MAP4K5: variants seen among roughly 807,000 people sequenced by gnomAD.
MAP4K5 encodes the protein mitogen-activated protein kinase kinase kinase kinase 5.
A neutral mutation model predicts 135.6 loss-of-function variants in MAP4K5; 82 were observed. That is an observed-to-expected ratio of 0.60 (90% CI 0.51 to 0.73). The LOEUF is 0.73. Among genes scored for constraint, MAP4K5 ranks in the 30% least tolerant of loss-of-function variants. The pLI, the probability that MAP4K5 is intolerant of heterozygous loss-of-function variation, is 0.00. For missense variants in MAP4K5, 907 were observed against 1,010.9 expected (o/e 0.90, Z 1.39); for synonymous variants, 347 against 335.0 (o/e 1.04, Z -0.39).
intron 2 of MAP4K5, among the ~76,000 whole-genome samples, chr14:50,538,965 G>C (rs896390567): frequency 6.6e-6 from 1 of 152,158 alleles, no homozygotes; most frequent in African/African-American, 2.4e-5. Context: ...GACTATGGGT[G>C]CGCACCACTG....
chr14:50,544,111 T>G (rs148466855), intron 1 of MAP4K5, among the ~76,000 whole-genome samples: 1 of 152,336 alleles, frequency 6.6e-6, no homozygotes, highest in African/African-American at 2.4e-5. Context: ...AGGGTGTCTC[T>G]TAGTATTCAC....
Position 50,482,396 on chromosome 14 carries a change from AT to A in MAP4K5, c.342del (p.Glu114AspfsTer4), listed in dbSNP as rs1241588847. 2.6e-6 allele frequency: 4 copies of A among 1,532,436 alleles called. No individual in the cohort carries two copies. The highest frequency in any genetic ancestry group is 3.5e-6 in the Non-Finnish European group (4 of 1,140,888). The allele number at this position is 1,532,436 out of a possible 1,614,324, so 94.9% of individuals were successfully genotyped here. ...DIYHVTGPLS[E>X]LQIAYVCRET... ...TCTCTGCATACATAGGCTATTTGCA[AT>A]TCTGATAATGGTCCAGTAACTAGAA... On this transcript the variant is annotated frameshift_variant, in exon 6 of 33. Coordinates refer to ENST00000682126, the MANE Select transcript of MAP4K5 (RefSeq NM_006575.6). LOFTEE classifies it high-confidence loss of function.
At chr14:50,493,950 C>T (rs1340712034) in intron 3 of MAP4K5, among the ~76,000 whole-genome samples, 5 of 149,988 alleles carry the variant, frequency 3.3e-5, no homozygotes, top group South Asian at 4.2e-4. Flanking sequence ...ATCATGCCAC[C>T]GCACTCCAGC....
At chr14:50,542,048 A>G (rs962956454) in intron 2 of MAP4K5, among the ~76,000 whole-genome samples, 1 of 121,616 alleles carries the variant, frequency 8.2e-6, no homozygotes, top group Non-Finnish European at 1.7e-5. Flanking sequence ...AAAAAAAAAA[A>G]GAATATGCTG....
intron 32 of MAP4K5, among the ~76,000 whole-genome samples, chr14:50,421,212 TC>T: frequency 6.6e-6 from 1 of 152,276 alleles, no homozygotes; most frequent in East Asian, 1.9e-4. Flanking sequence ...AGTTTTTTTT[TC>T]CTAGACACAA....
At chr14:50,445,242 T>C (rs757636159) in intron 17 of MAP4K5, 48 bp from the exon 18 acceptor site, 87 of 1,571,234 alleles carry the variant, frequency 5.5e-5, no homozygotes, top group Non-Finnish European at 8.7e-6. Flanking sequence ...TCATTAGGCA[T>C]CAGAGTCTTT....
chr14:50,467,525 G>C (rs1329286842), intron 10 of MAP4K5, among the ~76,000 whole-genome samples: 4 of 150,632 alleles, frequency 2.7e-5, no homozygotes, highest in Admixed American at 2.6e-4. Context: ...ATTTTGCTTT[G>C]GTTCATACAT....
intron 2 of MAP4K5, among the ~76,000 whole-genome samples, chr14:50,527,841 T>C (rs1254467935): frequency 6.4e-5 from 1 of 15,546 alleles, no homozygotes; most frequent in East Asian, 1.6e-3. Flanking sequence ...TAATAATAAA[T>C]AAATAAATAA....
intron 12 of MAP4K5, 130 bp from the exon 13 acceptor site, chr14:50,462,911 CTG>C (rs956497265): frequency 1.0e-5 from 6 of 574,562 alleles, no homozygotes; most frequent in Admixed American, 3.6e-5. Flanking sequence ...CACAAATAAA[CTG>C]TGTTAGTAAA....
Position 50,443,930 on chromosome 14 carries a change from T to G in MAP4K5, c.1437+9A>C. 1 of 1,589,234 alleles carries G rather than the reference T, an allele frequency of 6.3e-7. No homozygotes were observed. Among genetic ancestry groups the G allele is most frequent in the Non-Finnish European group, 8.6e-7 (1 of 1,162,370 alleles). On this transcript the variant is annotated intron_variant, in intron 19 of 32. Coordinates refer to ENST00000682126, the MANE Select transcript of MAP4K5 (RefSeq NM_006575.6). ...TTACAACTAATTGCTAAATGCCTGT[T>G]ATACCTACAGGGAAGTCTCGTTTGT...
chr14:50,440,139 T>C (rs2036192738), intron 22 of MAP4K5, 66 bp from the exon 23 acceptor site: 2 of 1,046,062 alleles, frequency 1.9e-6, no homozygotes, highest in Non-Finnish European at 2.8e-6. Flanking sequence ...ATTCCAACAT[T>C]CTGAAATCAT....
intron 1 of MAP4K5, among the ~76,000 whole-genome samples, chr14:50,552,966 C>T (rs927548765): frequency 6.6e-6 from 1 of 152,058 alleles, no homozygotes; most frequent in African/African-American, 2.4e-5. Context: ...GAATTCATGA[C>T]TAAGAATCCG....
At chr14:50,543,545 A>G (rs1012583837) in intron 1 of MAP4K5, among the ~76,000 whole-genome samples, 3 of 152,234 alleles carry the variant, frequency 2.0e-5, no homozygotes, top group Non-Finnish European at 4.4e-5. Flanking sequence ...GTGTGGCAGC[A>G]GAGTCATGCC....
intron 9 of MAP4K5, among the ~76,000 whole-genome samples, chr14:50,474,533 T>C (rs1406572275): frequency 6.6e-6 from 1 of 152,044 alleles, no homozygotes; most frequent in Non-Finnish European, 1.5e-5. Context: ...TTTAGAAAGA[T>C]TATTTTGTCA....
chr14:50,487,604 C>T (rs2037393595), intron 3 of MAP4K5, among the ~76,000 whole-genome samples: 1 of 152,112 alleles, frequency 6.6e-6, no homozygotes, highest in African/African-American at 2.4e-5. Flanking sequence ...CATAAGTGTA[C>T]GAATGGCTAC....
chr14:50,475,158 G>A lies in MAP4K5; in HGVS notation c.470-9C>T. 1 of 1,611,558 alleles carries A rather than the reference G, an allele frequency of 6.2e-7. No homozygotes were observed. Among genetic ancestry groups the A allele is most frequent in the East Asian group, 2.2e-5 (1 of 44,822 alleles). Reference sequence around the variant, plus strand: ...AGCCACACCAAAGTCAGCTAGTGAGGAAAAAAACAGAAAATTTTAGTTCTT... The same window carrying A: ...AGCCACACCAAAGTCAGCTAGTGAGAAAAAAAACAGAAAATTTTAGTTCTT... On this transcript the variant is annotated splice_polypyrimidine_tract_variant and intron_variant, in intron 8 of 32. Coordinates refer to ENST00000682126, the MANE Select transcript of MAP4K5 (RefSeq NM_006575.6).
chr14:50,494,418 A>G (rs2037551953), intron 3 of MAP4K5, among the ~76,000 whole-genome samples: 1 of 151,990 alleles, frequency 6.6e-6, no homozygotes, highest in Admixed American at 6.6e-5. Flanking sequence ...CGCCCACTTC[A>G]GCCTCCCAAA....
At chr14:50,490,445 C>G (rs1283203183) in intron 3 of MAP4K5, among the ~76,000 whole-genome samples, 1 of 152,054 alleles carries the variant, frequency 6.6e-6, no homozygotes, top group East Asian at 1.9e-4. Context: ...TTTTGAAAAA[C>G]CACTGTATTA....
chr14:50,427,215 GA>G (rs2035866639), intron 30 of MAP4K5, among the ~76,000 whole-genome samples: 1 of 152,132 alleles, frequency 6.6e-6, no homozygotes, highest in Non-Finnish European at 1.5e-5. Context: ...TGGCACATCT[GA>G]AAAAGTTGAG....
Sources: allele counts gnomAD v4.1 joint callset (sites outside exome capture counted in the v4.1 genomes callset), GRCh38; gene constraint gnomAD v4.1.1; transcripts MANE v1.5; gene names NCBI Gene and HGNC (gene_info 2026-07-23, HGNC 2026-07-21).